RIMS2: variants seen among roughly 807,000 people sequenced by gnomAD.
RIMS2 encodes regulating synaptic membrane exocytosis protein 2.
In RIMS2, 59 loss-of-function variants were observed where a neutral mutation model predicts 174.4. The ratio of observed to expected loss-of-function variants is 0.34; its 90% CI spans 0.27 to 0.42. The LOEUF (loss-of-function observed/expected upper bound fraction) is 0.42, where lower values mean the gene tolerates loss of function less well. Ranked by LOEUF, RIMS2 falls within the 10% of genes least tolerant of loss-of-function variation. The pLI is 1.00. For missense variants in RIMS2, 1,620 were observed against 1,666.3 expected, an observed-to-expected ratio of 0.97 and a Z score of 0.48; for synonymous variants, 606 against 572.5, an observed-to-expected ratio of 1.06 and a Z score of -0.84.
chr8:103,525,441 C>A (rs1007724088), intron 1 of RIMS2, among the ~76,000 whole-genome samples: 3 of 152,104 alleles, frequency 2.0e-5, no homozygotes, highest in East Asian at 1.9e-4. Flanking sequence ...AATGTGCTAC[C>A]CACTGTTTGT....
chr8:104,252,911 A>T (rs968640582), downstream of RIMS2: 5 of 152,120 alleles, frequency 3.3e-5, no homozygotes, highest in Admixed American at 6.5e-5. Context: ...AAAAATTACA[A>T]GTTTTGATCT....
chr8:103,838,275 A>G (rs1593484500), intron 3 of RIMS2, among the ~76,000 whole-genome samples: 1 of 152,154 alleles, frequency 6.6e-6, no homozygotes, highest in Non-Finnish European at 1.5e-5. Flanking sequence ...AGCCAGCAAT[A>G]GCATATCAAA....
In RIMS2 at chr8:103,710,588, A is replaced by G. The variant is rs551167214; in HGVS notation, c.387+13292A>G. Among the ~76,000 whole-genome samples the G allele has an allele frequency of 4.2e-3, 647 of 152,274 alleles. 4 individuals are homozygous for G. Among genetic ancestry groups the G allele is most frequent in the African/African-American group, 0.015 (615 of 41,572 alleles). ...AGAAAGACATTAAAAGTAATTTACAATAAGGATTATTTTAAGCGTCAGAGT... is the reference window on the plus strand; with the variant it reads ...AGAAAGACATTAAAAGTAATTTACAGTAAGGATTATTTTAAGCGTCAGAGT... On this transcript the variant is annotated intron_variant, in intron 2 of 23. Coordinates refer to ENST00000504942, the Ensembl canonical transcript of RIMS2.
intron 19 of RIMS2, among the ~76,000 whole-genome samples, chr8:104,073,276 G>A (rs1053345454): frequency 6.6e-6 from 1 of 152,092 alleles, no homozygotes; most frequent in Admixed American, 6.6e-5. Flanking sequence ...TTAAACATAT[G>A]AGCTTTAGTT....
chr8:103,727,456 A>C (rs1322531775), intron 2 of RIMS2, among the ~76,000 whole-genome samples: 1 of 151,990 alleles, frequency 6.6e-6, no homozygotes, highest in African/African-American at 2.4e-5. Context: ...GAAGTGCAGA[A>C]GTTTTTTTTT....
chr8:103,876,464 G>A (rs1051050878), intron 3 of RIMS2, among the ~76,000 whole-genome samples: 4 of 151,170 alleles, frequency 2.6e-5, no homozygotes, highest in African/African-American at 4.9e-5. Flanking sequence ...TTTTGTTTCC[G>A]TAGGTTTTTG....
chr8:103,624,574 G>T (rs187705522), intron 1 of RIMS2, among the ~76,000 whole-genome samples: 18 of 152,242 alleles, frequency 1.2e-4, no homozygotes, highest in Admixed American at 6.5e-5. Context: ...TACTGTCACC[G>T]TGAAATTCTT....
At chr8:103,979,543 C>T (rs972090021) in intron 16 of RIMS2, among the ~76,000 whole-genome samples, 10 of 152,302 alleles carry the variant, frequency 6.6e-5, no homozygotes, top group Non-Finnish European at 1.3e-4. Context: ...ATGGGGAATA[C>T]GTGCACCATT....
chr8:103,620,840 T>C (rs1564050282), intron 1 of RIMS2, among the ~76,000 whole-genome samples: 1 of 152,180 alleles, frequency 6.6e-6, no homozygotes, highest in Non-Finnish European at 1.5e-5. Context: ...TAAATTTTCT[T>C]TTCAAAATTT....
At chr8:104,252,038 A>T (rs1173031618), downstream of RIMS2, 17 of 559,576 alleles carry the variant, frequency 3.0e-5, no homozygotes, top group Non-Finnish European at 5.1e-5. Flanking sequence ...GAACTATCAG[A>T]TTTGGAATTC....
intron 1 of RIMS2, among the ~76,000 whole-genome samples, chr8:103,695,971 G>A (rs2097096369): frequency 6.6e-6 from 1 of 151,894 alleles, no homozygotes; most frequent in South Asian, 2.1e-4. Context: ...GTGCTTCCAG[G>A]GATTCTCTGA....
intron 4 of RIMS2, among the ~76,000 whole-genome samples, chr8:103,907,348 A>G (rs779256854): frequency 2.0e-5 from 3 of 152,172 alleles, no homozygotes; most frequent in Non-Finnish European, 4.4e-5. Flanking sequence ...TCATCATTCT[A>G]TCCAATTGTT....
At chr8:103,682,890 G>A (rs1183121806) in intron 1 of RIMS2, among the ~76,000 whole-genome samples, 2 of 152,142 alleles carry the variant, frequency 1.3e-5, no homozygotes, top group African/African-American at 4.8e-5. Context: ...TGATAGTGCT[G>A]CAGTATCTGG....
chr8:104,071,964 G>A (rs2097204605), intron 19 of RIMS2, among the ~76,000 whole-genome samples: 1 of 152,266 alleles, frequency 6.6e-6, no homozygotes, highest in South Asian at 2.1e-4. Flanking sequence ...AATAATGTCT[G>A]ACAAATCCTA....
intron 1 of RIMS2, among the ~76,000 whole-genome samples, chr8:103,662,438 A>G (rs10955323): frequency 0.38 from 57,283 of 152,040 alleles, 11,140 homozygotes; most frequent in African/African-American, 0.4. Flanking sequence ...AAAAACACAT[A>G]TTCTTATACC....
chr8:103,696,141 C>CTGTTTT (rs1214502131), intron 1 of RIMS2, among the ~76,000 whole-genome samples: 1 of 152,030 alleles, frequency 6.6e-6, no homozygotes, highest in Non-Finnish European at 1.5e-5. Flanking sequence ...TATTCCCCAC[C>CTGTTTT]TATTTTTCTT....
intron 1 of RIMS2, among the ~76,000 whole-genome samples, chr8:103,580,445 ATGTGTGTG>A (rs35882328): frequency 6.0e-5 from 9 of 149,650 alleles, no homozygotes; most frequent in Non-Finnish European, 1.2e-4. Context: ...ATATGTGTGC[ATGTGTGTG>A]TGTGTGTGTG....
intron 19 of RIMS2, among the ~76,000 whole-genome samples, chr8:104,230,652 A>C (rs959604796): frequency 2.6e-5 from 4 of 152,172 alleles, no homozygotes; most frequent in African/African-American, 9.7e-5. Flanking sequence ...TCTCAAAAAA[A>C]TAAAAATGAA....
chr8:103,913,815 AT>A (rs1267194379), intron 6 of RIMS2, among the ~76,000 whole-genome samples: 1 of 152,132 alleles, frequency 6.6e-6, no homozygotes, highest in Non-Finnish European at 1.5e-5. Context: ...AGAACTCACT[AT>A]CACAAAGACA....
Sources: gnomAD v4.1 joint callset for allele counts (sites outside exome capture counted in the v4.1 genomes callset) on GRCh38, gnomAD v4.1.1 for gene constraint, MANE v1.5 for transcripts, NCBI Gene and HGNC (gene_info 2026-07-23, HGNC 2026-07-21) for gene names.